Variants in VPS33A observed in about 807,000 individuals in gnomAD.
The protein encoded by VPS33A is vacuolar protein sorting-associated protein 33A.
VPS33A carries 32 observed loss-of-function variants against 71.8 expected under a neutral mutation model. The observed-to-expected ratio is 0.45, with a 90% confidence interval of 0.34 to 0.60. The LOEUF is 0.60. VPS33A is among the 20% of genes least tolerant of loss of function. The pLI is 0.02. For synonymous variants in VPS33A, 311 were observed against 292.7 expected (o/e 1.06, Z -0.64); for missense variants, 625 against 748.5 (o/e 0.84, Z 1.92).
In VPS33A at chr12:122,232,130, C is replaced by A; in HGVS notation, c.*116G>T. ...CAGTAGTATAATTTAAGAAGCTGAC[C>A]CCAGAATATATTCTGTATTCCCATG... On this transcript the variant is annotated 3_prime_UTR_variant, in exon 13 of 13. Coordinates refer to ENST00000267199, the MANE Select transcript of VPS33A (RefSeq NM_022916.6). 2 of 989,134 alleles carry A rather than the reference C, an allele frequency of 2.0e-6. No homozygotes were observed. Among genetic ancestry groups the A allele is most frequent in the Non-Finnish European group, 3.0e-6 (2 of 677,930 alleles). The allele number at this position is 989,134 out of a possible 1,614,324, so 61.3% of individuals were successfully genotyped here. A position where few individuals can be genotyped will look rare whatever the true frequency, so the allele number is the denominator to read the frequency against.
Position 122,249,878 on chromosome 12 carries a change from A to T in VPS33A, c.768T>A (p.Ile256=). ...YEGLIDEIYG[I]QNSYVKLPPE... is the part of the protein sequence containing the mutation. ...CAGATGTCATGTACTTACTGTTCTG[A>T]ATGCCATAAATTTCATCAATGAGTC... is the stretch of plus-strand genomic sequence containing the variant. Residue 256 remains isoleucine, a synonymous_variant, in exon 6 of 13, where the codon ATT becomes ATA. Coordinates refer to ENST00000267199, the MANE Select transcript of VPS33A (RefSeq NM_022916.6). 6.2e-7 allele frequency: 1 copy of T among 1,613,172 alleles called. No individual in the cohort carries two copies. The highest frequency in any genetic ancestry group is 1.3e-5 in the African/African-American group (1 of 75,022).
intron 6 of VPS33A, among the ~76,000 whole-genome samples, chr12:122,247,072 A>T (rs1954786298): frequency 6.6e-6 from 1 of 152,210 alleles, no homozygotes; most frequent in African/African-American, 2.4e-5. Context: ...TAATACCACA[A>T]TATTAACAGT....
Position 122,261,147 on chromosome 12 carries a change from AT to A in VPS33A, c.483+113del. On this transcript the variant is annotated intron_variant, in intron 4 of 12. Transcript: ENST00000267199. ...ATTTGTTGAACAGAAAATCTTAAAC[AT>A]CAATAAACATATAAAATGGGACTCA... The A allele has an allele frequency of 3.4e-6, 3 of 881,098 alleles. No homozygotes were observed. In the South Asian group the frequency reaches 7.1e-5, roughly 21 times the overall value. The allele number at this position is 881,098 out of a possible 1,614,324, so 54.6% of individuals were successfully genotyped here.
At chr12:122,255,319 A>T (rs1954902069) in intron 4 of VPS33A, among the ~76,000 whole-genome samples, 1 of 152,194 alleles carries the variant, frequency 6.6e-6, no homozygotes, top group African/African-American at 2.4e-5. Flanking sequence ...ATTTTTTGGT[A>T]TATTGAAATT....
At chr12:122,252,610 C>A (rs1422314131) in intron 4 of VPS33A, among the ~76,000 whole-genome samples, 1 of 152,036 alleles carries the variant, frequency 6.6e-6, no homozygotes, top group Non-Finnish European at 1.5e-5. Context: ...GAGAAAAAAA[C>A]CACCTGTGAG....
chr12:122,263,407 C>A (rs911375930), intron 3 of VPS33A, among the ~76,000 whole-genome samples, 165 bp downstream of exon 3: 2 of 152,106 alleles, frequency 1.3e-5, no homozygotes, highest in African/African-American at 4.8e-5. Context: ...TCTCCACCTC[C>A]CCCCAGCCCC....
At chr12:122,238,804 CACAATACAT>C in intron 9 of VPS33A, 80 bp from the exon 10 acceptor site, 1 of 1,059,620 alleles carries the variant, frequency 9.4e-7, no homozygotes, top group Non-Finnish European at 1.3e-6. Flanking sequence ...CACACACACA[CACAATACAT>C]GGTTTAGGAA....
chr12:122,250,402 G>C (rs1297071819), intron 5 of VPS33A, among the ~76,000 whole-genome samples: 1 of 152,234 alleles, frequency 6.6e-6, no homozygotes, highest in Non-Finnish European at 1.5e-5. Flanking sequence ...CAACGTTTCT[G>C]TCAATTGATC....
chr12:122,236,269 C>T (rs1263766796), intron 10 of VPS33A, among the ~76,000 whole-genome samples: 2 of 151,976 alleles, frequency 1.3e-5, no homozygotes, highest in Non-Finnish European at 2.9e-5. Flanking sequence ...CATATGTATA[C>T]ATCCTGATAA....
intron 4 of VPS33A, among the ~76,000 whole-genome samples, chr12:122,255,054 G>GA (rs35670853): frequency 0.022 from 2,837 of 129,754 alleles, 69 homozygotes; most frequent in African/African-American, 0.067. Context: ...CAGTTTCAAG[G>GA]AAAAAAAAAA....
intron 4 of VPS33A, among the ~76,000 whole-genome samples, chr12:122,260,471 G>A (rs1220009576): frequency 6.6e-6 from 1 of 151,686 alleles, no homozygotes; most frequent in African/African-American, 2.4e-5. Flanking sequence ...GGTTAATTTT[G>A]TATTTCTAGT....
chr12:122,240,503 CCAGAATGAGCGT>C (rs1381007535), intron 8 of VPS33A, among the ~76,000 whole-genome samples: 5 of 152,068 alleles, frequency 3.3e-5, no homozygotes, highest in Non-Finnish European at 5.9e-5. Context: ...AGTACAGACC[CCAGAATGAGCGT>C]CAGTATGAAT....
chr12:122,254,961 G>T (rs143111944), intron 4 of VPS33A, among the ~76,000 whole-genome samples: 1 of 151,170 alleles, frequency 6.6e-6, no homozygotes, highest in East Asian at 2.0e-4. Flanking sequence ...TGAGGCAGGA[G>T]AATCACTTGA....
intron 11 of VPS33A, among the ~76,000 whole-genome samples, chr12:122,234,914 AC>A (rs1231643895): frequency 6.6e-6 from 1 of 151,624 alleles, no homozygotes; most frequent in African/African-American, 2.4e-5. Context: ...TTTCTAGAAC[AC>A]CCCCCTCTCC....
At chr12:122,261,976 T>C (rs970067156) in intron 3 of VPS33A, among the ~76,000 whole-genome samples, 3 of 152,090 alleles carry the variant, frequency 2.0e-5, no homozygotes, top group African/African-American at 7.2e-5. Flanking sequence ...CATTCCAGCC[T>C]GGGCAACACA....
chr12:122,235,420 A>G (rs1954617206), intron 11 of VPS33A, among the ~76,000 whole-genome samples: 1 of 151,834 alleles, frequency 6.6e-6, no homozygotes, highest in Non-Finnish European at 1.5e-5. Flanking sequence ...ACGCACCACA[A>G]TGCTGGGCTA....
chr12:122,249,471 C>T (rs150449412), intron 6 of VPS33A: 7,589 of 154,014 alleles, frequency 0.049, 636 homozygotes, highest in African/African-American at 0.17. Flanking sequence ...GTGATCTGCC[C>T]GCCTTGGCTT....
At chr12:122,241,081 C>T (rs1954707387) in intron 8 of VPS33A, 1 of 149,926 alleles carries the variant, frequency 6.7e-6, no homozygotes, top group South Asian at 2.1e-4. Context: ...TTGCGGTGAG[C>T]CAAGATTGTG....
intron 11 of VPS33A, among the ~76,000 whole-genome samples, chr12:122,234,675 G>A (rs1038088034): frequency 1.3e-5 from 2 of 152,156 alleles, no homozygotes; most frequent in African/African-American, 2.4e-5. Context: ...CTCTGTGCCC[G>A]GAGATGGACC....
Sources: allele counts gnomAD v4.1 joint callset (sites outside exome capture counted in the v4.1 genomes callset), GRCh38; gene constraint gnomAD v4.1.1; transcripts MANE v1.5; gene names NCBI Gene and HGNC (gene_info 2026-07-23, HGNC 2026-07-21).